Variants in NTM observed in about 807,000 individuals in gnomAD.
NTM encodes IgLON family member 2.
In NTM, 13 loss-of-function variants were observed where a neutral mutation model predicts 42.1. That is an observed-to-expected ratio of 0.31 (90% CI 0.20 to 0.49). The LOEUF is 0.49. Ranked by LOEUF, NTM falls within the 20% of genes least tolerant of loss-of-function variation. NTM has a pLI of 0.99. For synonymous variants in NTM, 187 were observed against 179.2 expected, an observed-to-expected ratio of 1.04 and a Z score of -0.35; for missense variants, 373 against 452.8, an observed-to-expected ratio of 0.82 and a Z score of 1.60.
chr11:131,525,481 C>T (rs1041258809), intron 1 of NTM, among the ~76,000 whole-genome samples: 1 of 152,170 alleles, frequency 6.6e-6, no homozygotes, highest in Non-Finnish European at 1.5e-5. Flanking sequence ...AGGGGCCACA[C>T]CAGCATTTAG....
At chr11:131,469,327 T>C (rs923062845) in intron 1 of NTM, among the ~76,000 whole-genome samples, 12 of 152,232 alleles carry the variant, frequency 7.9e-5, no homozygotes, top group African/African-American at 2.4e-4. Context: ...ATTCTCAGGA[T>C]ACATATATTA....
chr11:132,234,941 A>G (rs2088483786), intron 4 of NTM, among the ~76,000 whole-genome samples: 1 of 152,350 alleles, frequency 6.6e-6, no homozygotes, highest in East Asian at 1.9e-4. Context: ...AGATATGTTT[A>G]GCTGAAACAG....
intron 2 of NTM, among the ~76,000 whole-genome samples, chr11:131,939,025 G>A (rs556585412): frequency 2.0e-5 from 3 of 152,254 alleles, no homozygotes; most frequent in African/African-American, 4.8e-5. Context: ...TGCAAAGCTC[G>A]GGAAAGAGAT....
At chr11:131,546,442 C>T (rs1340042917) in intron 1 of NTM, among the ~76,000 whole-genome samples, 1 of 152,186 alleles carries the variant, frequency 6.6e-6, no homozygotes, top group Non-Finnish European at 1.5e-5. Flanking sequence ...TTTACTTTCA[C>T]ATTCTGCACA....
intron 2 of NTM, among the ~76,000 whole-genome samples, chr11:132,133,825 A>T (rs2067249254): frequency 6.6e-6 from 1 of 151,784 alleles, no homozygotes; most frequent in Non-Finnish European, 1.5e-5. Context: ...TCCAAATATG[A>T]TTTTTCTCCT....
chr11:131,582,471 T>C (rs2058493209), intron 1 of NTM: 1 of 152,212 alleles, frequency 6.6e-6, no homozygotes, highest in Non-Finnish European at 1.5e-5. Context: ...AACTTAGTAG[T>C]TAAACTATGC....
At chr11:132,039,031 G>T (rs2076854094) in intron 2 of NTM, among the ~76,000 whole-genome samples, 1 of 152,188 alleles carries the variant, frequency 6.6e-6, no homozygotes, top group Non-Finnish European at 1.5e-5. Context: ...GCACCAGTCG[G>T]GTACAGCAGC....
chr11:132,239,053 G>A (rs1339971268), intron 4 of NTM, among the ~76,000 whole-genome samples: 1 of 152,112 alleles, frequency 6.6e-6, no homozygotes. Context: ...CAGGTCCTGG[G>A]GTGAATGAAG....
chr11:132,206,055 G>GT, intron 3 of NTM, among the ~76,000 whole-genome samples: 1 of 152,266 alleles, frequency 6.6e-6, no homozygotes, highest in South Asian at 2.1e-4. Context: ...TCCTGGGCAT[G>GT]GCTCTCCAAT....
intron 1 of NTM, among the ~76,000 whole-genome samples, chr11:131,545,036 A>G (rs1311914339): frequency 1.3e-5 from 2 of 152,176 alleles, no homozygotes; most frequent in African/African-American, 4.8e-5. Context: ...CGGGGCTGCA[A>G]GGGTAATATG....
chr11:132,298,608 G>T (rs752127820), intron 4 of NTM, among the ~76,000 whole-genome samples: 1 of 152,128 alleles, frequency 6.6e-6, no homozygotes. Context: ...AATGCACAGG[G>T]CCTGGCTCTG....
intron 1 of NTM, among the ~76,000 whole-genome samples, chr11:131,432,867 T>G (rs1318428554): frequency 1.5e-5 from 1 of 65,034 alleles, no homozygotes; most frequent in African/African-American, 5.7e-5. Flanking sequence ...TTTTTTTTTT[T>G]TTTTGAGACG....
In NTM at chr11:132,003,323, G is replaced by A. The variant is rs1383062449; in HGVS notation, c.167+91675G>A. On this transcript the variant is annotated intron_variant, in intron 2 of 8. Transcript: ENST00000683400. The surrounding 1 kb of genome is among the most constrained non-coding windows in gnomAD (Gnocchi z 6.0). ...TGCAGTGACGCAATCACAGCTTACTGCAGCCTCAACCTCCTGGGCTCAAAT... is the reference window on the plus strand; with the variant it reads ...TGCAGTGACGCAATCACAGCTTACTACAGCCTCAACCTCCTGGGCTCAAAT... Among the ~76,000 whole-genome samples the A allele has an allele frequency of 6.6e-6, 1 of 150,382 alleles. No individual in the cohort carries two copies. The highest frequency in any genetic ancestry group is 1.5e-5 in the Non-Finnish European group (1 of 67,834).
At chr11:132,261,031 G>C (rs1436939588) in intron 4 of NTM, among the ~76,000 whole-genome samples, 1 of 152,192 alleles carries the variant, frequency 6.6e-6, no homozygotes, top group East Asian at 1.9e-4. Flanking sequence ...ACTGTTGCTG[G>C]TTCTCGTTTT....
intron 1 of NTM, among the ~76,000 whole-genome samples, chr11:131,669,929 G>T (rs187314051): frequency 6.6e-6 from 1 of 152,334 alleles, no homozygotes; most frequent in Admixed American, 6.5e-5. Context: ...GCTGAAGGGA[G>T]AGAAGTTTGA....
intron 1 of NTM, among the ~76,000 whole-genome samples, chr11:131,482,263 G>GAT: frequency 6.6e-6 from 1 of 152,142 alleles, no homozygotes; most frequent in Non-Finnish European, 1.5e-5. Flanking sequence ...TCTGCATTCT[G>GAT]ACAGCTTCTG....
chr11:131,564,832 C>T (rs1186769369), intron 1 of NTM, among the ~76,000 whole-genome samples: 2 of 152,120 alleles, frequency 1.3e-5, no homozygotes, highest in African/African-American at 2.4e-5. Context: ...CACACATGCT[C>T]AGACACATGC....
chr11:132,303,588 A>T (rs953866791), intron 4 of NTM, among the ~76,000 whole-genome samples: 1 of 152,136 alleles, frequency 6.6e-6, no homozygotes, highest in East Asian at 1.9e-4. Flanking sequence ...GATGGTTAGG[A>T]TCTCAACATA....
At chr11:131,504,405 T>C (rs1165877439) in intron 1 of NTM, among the ~76,000 whole-genome samples, 3 of 152,170 alleles carry the variant, frequency 2.0e-5, no homozygotes, top group African/African-American at 7.2e-5. Context: ...GGACCGCAGC[T>C]ACCCAGCTCA....
Sources: allele counts gnomAD v4.1 joint callset (sites outside exome capture counted in the v4.1 genomes callset), GRCh38; gene constraint gnomAD v4.1.1; non-coding constraint Gnocchi (gnomAD v3.1); transcripts MANE v1.5; gene names NCBI Gene and HGNC (gene_info 2026-07-23, HGNC 2026-07-21).